PPP1CC: variants seen among roughly 807,000 people sequenced by gnomAD.
PPP1CC encodes the protein serine/threonine-protein phosphatase PP1-gamma catalytic subunit.
PPP1CC carries 16 observed loss-of-function variants against 38.4 expected under a neutral mutation model. The ratio of observed to expected loss-of-function variants is 0.42; its 90% confidence interval spans 0.28 to 0.63. The LOEUF (loss-of-function observed/expected upper bound fraction) is 0.63, where lower values mean the gene tolerates loss of function less well. Ranked by LOEUF, PPP1CC falls within the 30% of genes least tolerant of loss-of-function variation. PPP1CC has a pLI of 0.25. For synonymous variants in PPP1CC, 158 were observed against 136.0 expected, an observed-to-expected ratio of 1.16 and a Z score of -1.13; for missense variants, 170 against 391.3, an observed-to-expected ratio of 0.43 and a Z score of 4.77.
At position 110,742,815 on chromosome 12, in the gene PPP1CC, C is replaced by T. The variant is rs956408503; in HGVS notation, c.-108G>A. The T allele has an allele frequency of 3.2e-6, 3 of 940,168 alleles. No homozygotes were observed. Among genetic ancestry groups the T allele is most frequent in the African/African-American group, 3.4e-5 (2 of 58,206 alleles). The allele number at this position is 940,168 out of a possible 1,614,324, so 58.2% of individuals were successfully genotyped here. A position where few individuals can be genotyped will look rare whatever the true frequency, so the allele number is the denominator to read the frequency against. ...GCAGAGGCGGTGGTGGCGGCGGTGG[C>T]AGCAGCCGCGGCGGGTCCCCCCCCT... is the stretch of plus-strand genomic sequence containing the variant. On this transcript the variant is annotated 5_prime_UTR_variant, in exon 1 of 7. Coordinates refer to ENST00000335007, the MANE Select transcript of PPP1CC (RefSeq NM_002710.4).
downstream of PPP1CC, among the ~76,000 whole-genome samples, chr12:110,716,270 C>T (rs1340895212): frequency 6.6e-6 from 1 of 152,008 alleles, no homozygotes; most frequent in African/African-American, 2.4e-5. Context: ...TTCTTACAAA[C>T]TTTTGTTAGT....
At chr12:110,717,198 C>CT (rs2069694174), downstream of PPP1CC, among the ~76,000 whole-genome samples, 1 of 152,192 alleles carries the variant, frequency 6.6e-6, no homozygotes, top group Non-Finnish European at 1.5e-5. Flanking sequence ...AGTTATTCCT[C>CT]TTCTGTGGGT....
At chr12:110,710,533 A>G in the PPP1CC span, among the ~76,000 whole-genome samples, 2 of 151,796 alleles carry the variant, frequency 1.3e-5, no homozygotes, top group East Asian at 3.9e-4. Context: ...CCTGGCTAAC[A>G]TGGTGAAACC....
chr12:110,720,138 T>G lies in PPP1CC; in HGVS notation c.*938A>C. On this transcript the variant is annotated 3_prime_UTR_variant, in exon 7 of 7. Transcript: ENST00000335007. The stretch of plus-strand genomic sequence containing the variant: ...GGCCAAAGAAAGCATAATCGGTCAC[T>G]CGTATAGAACAGTATTGTTTCTATA... 1 of 1,551,198 alleles carries G rather than the reference T, an allele frequency of 6.4e-7. No individual in the cohort carries two copies. Among genetic ancestry groups the G allele is most frequent in the Admixed American group, 1.9e-5 (1 of 53,004 alleles).
At chr12:110,724,638 G>C in intron 4 of PPP1CC, 22 bp downstream of exon 4, 1 of 1,469,608 alleles carries the variant, frequency 6.8e-7, no homozygotes, top group African/African-American at 1.4e-5. Flanking sequence ...AACCTATTTG[G>C]AACAAAAATC....
chr12:110,722,688 T>C lies in PPP1CC; in HGVS notation c.531A>G (p.Ser177=). 6.2e-7 allele frequency: 1 copy of C among 1,605,434 alleles called. No homozygotes were observed. The highest frequency in any genetic ancestry group is 8.5e-7 in the Non-Finnish European group (1 of 1,176,632). The change falls in exon 5 of 7, where the codon TCA becomes TCG. Residue 177 remains serine (S), a synonymous_variant. Transcript: ENST00000335007. The surrounding 1 kb of genome is among the most constrained non-coding windows in gnomAD (Gnocchi z 5.4). ...EKIFCCHGGL[S]PDLQSMEQIR... ...TCTGCTCCATAGATTGAAGATCTGG[T>C]GATAAACCTATTCAATGAGGAAAAA...
the PPP1CC span, among the ~76,000 whole-genome samples, chr12:110,712,668 G>GAAAA: frequency 3.6e-4 from 33 of 91,220 alleles, no homozygotes; most frequent in Non-Finnish European, 6.5e-4. Flanking sequence ...AAAAAAAAAG[G>GAAAA]GGGGGCACTG....
At position 110,722,272 on chromosome 12, in the gene PPP1CC, T is replaced by C. The variant is rs1371621375; in HGVS notation, c.748-3A>G. The C allele has an allele frequency of 4.3e-6, 7 of 1,611,714 alleles. No individual in the cohort carries two copies. The Admixed American group carries it at 1.0e-4, about 23-fold the overall frequency. The stretch of plus-strand genomic sequence containing the variant: ...AATTCATATCCATCTTCAACCACCT[T>C]GAAGAGAAAATTTTTTCAATATAAA... On this transcript the variant is annotated splice_polypyrimidine_tract_variant and splice_region_variant and intron_variant, in intron 5 of 6. Coordinates refer to ENST00000335007, the MANE Select transcript of PPP1CC (RefSeq NM_002710.4). The surrounding 1 kb of genome is among the most constrained non-coding windows in gnomAD (Gnocchi z 5.4).
intron 1 of PPP1CC, among the ~76,000 whole-genome samples, chr12:110,740,351 C>T (rs746768373): frequency 1.3e-5 from 2 of 152,076 alleles, no homozygotes; most frequent in African/African-American, 4.8e-5. Context: ...CTGGGGAGGA[C>T]GAGGTGCGAG....
intron 1 of PPP1CC, among the ~76,000 whole-genome samples, chr12:110,737,497 A>AAAAAAAAAAAAAAG (rs2069959460): frequency 4.1e-5 from 6 of 147,622 alleles, no homozygotes; most frequent in African/African-American, 1.0e-4. Flanking sequence ...AAAAAAAAAA[A>AAAAAAAAAAAAAAG]AAAAGAAAAG....
At chr12:110,716,535 T>C (rs1188557391), downstream of PPP1CC, among the ~76,000 whole-genome samples, 2 of 152,090 alleles carry the variant, frequency 1.3e-5, no homozygotes, top group Non-Finnish European at 2.9e-5. Context: ...GTATTTTCAA[T>C]GGAGACAGGA....
the PPP1CC span, among the ~76,000 whole-genome samples, chr12:110,710,514 T>C: frequency 0.14 from 21,194 of 151,486 alleles, 2,133 homozygotes; most frequent in African/African-American, 0.28. Context: ...GTCAGAAGAT[T>C]GAGACCATCC....
chr12:110,740,468 CAG>C (rs1251775084), intron 1 of PPP1CC, among the ~76,000 whole-genome samples: 5 of 151,838 alleles, frequency 3.3e-5, no homozygotes, highest in Non-Finnish European at 5.9e-5. Flanking sequence ...AATTGTAAAA[CAG>C]AATTTATTAC....
Position 110,731,847 on chromosome 12 carries a change from CCT to C in PPP1CC, c.108_109del (p.Gly37ThrfsTer7). 6.2e-7 allele frequency: 1 copy of C among 1,613,792 alleles called. No individual in the cohort carries two copies. The highest frequency in any genetic ancestry group is 8.5e-7 in the Non-Finnish European group (1 of 1,179,750). ...GATTTCACGAGACTTTAAGCACAGT[CCT>C]CTGATTTCATTCTCCTGAAGCTGGA... On this transcript the variant is annotated frameshift_variant, in exon 2 of 7. Coordinates refer to ENST00000335007, the MANE Select transcript of PPP1CC (RefSeq NM_002710.4). LOFTEE classifies it high-confidence loss of function.
Position 110,719,891 on chromosome 12 carries a change from A to G in PPP1CC, c.*1185T>C. 1 of 475,604 alleles carries G rather than the reference A, an allele frequency of 2.1e-6. No individual in the cohort carries two copies. The highest frequency in any genetic ancestry group is 3.7e-6 in the Non-Finnish European group (1 of 268,660). 29.5% of individuals were successfully genotyped at this position (475,604 alleles called of 1,614,324 possible). A position where few individuals can be genotyped will look rare whatever the true frequency, so the allele number is the denominator to read the frequency against. The stretch of plus-strand genomic sequence containing the variant: ...TCCTGTGTGTATTGTGCTGATAAAT[A>G]GACACTGAGAAGATTTAACAAGTTC... On this transcript the variant is annotated 3_prime_UTR_variant, in exon 7 of 7. Coordinates refer to ENST00000335007, the MANE Select transcript of PPP1CC (RefSeq NM_002710.4).
downstream of PPP1CC, among the ~76,000 whole-genome samples, chr12:110,716,355 A>AT (rs2069687299): frequency 2.7e-5 from 4 of 149,654 alleles, no homozygotes; most frequent in African/African-American, 1.0e-4. Flanking sequence ...CTTAGTTTTA[A>AT]CTTTTTTTTT....
At chr12:110,731,029 T>C (rs777624516) in intron 2 of PPP1CC, among the ~76,000 whole-genome samples, 1 of 152,186 alleles carries the variant, frequency 6.6e-6, no homozygotes, top group African/African-American at 2.4e-5. Flanking sequence ...AAAGGGTTAT[T>C]ATGTCCAAGC....
At chr12:110,740,655 A>C (rs1396167118) in intron 1 of PPP1CC, among the ~76,000 whole-genome samples, 1 of 152,236 alleles carries the variant, frequency 6.6e-6, no homozygotes, top group Non-Finnish European at 1.5e-5. Flanking sequence ...GAAATATAAG[A>C]AAACCTGGTT....
chr12:110,712,869 C>T, the PPP1CC span, among the ~76,000 whole-genome samples: 1 of 151,538 alleles, frequency 6.6e-6, no homozygotes. Flanking sequence ...GTAGGGAGTT[C>T]GAGACCAGCC....
Sources: allele counts gnomAD v4.1 joint callset (sites outside exome capture counted in the v4.1 genomes callset), GRCh38; gene constraint gnomAD v4.1.1; non-coding constraint Gnocchi (gnomAD v3.1); transcripts MANE v1.5; gene names NCBI Gene and HGNC (gene_info 2026-07-23, HGNC 2026-07-21).